EEFSEC: variants seen among roughly 807,000 people sequenced by gnomAD.
The protein encoded by EEFSEC is selenocysteine-specific elongation factor.
In EEFSEC, 43 loss-of-function variants were observed where a neutral mutation model predicts 42.1. That is an observed-to-expected ratio of 1.02 (90% confidence interval 0.80 to 1.32). The LOEUF is 1.32. EEFSEC is among the 40% of genes most tolerant of loss of function. The pLI is 0.00. For synonymous variants in EEFSEC, 354 were observed against 339.1 expected (o/e 1.04, Z -0.48); for missense variants, 745 against 803.6 (o/e 0.93, Z 0.88).
chr3:128,315,362 G>A (rs2066933088), intron 4 of EEFSEC, among the ~76,000 whole-genome samples: 1 of 152,178 alleles, frequency 6.6e-6, no homozygotes, highest in Non-Finnish European at 1.5e-5. Context: ...TGTGAGCCAG[G>A]ATCTTTGAAT....
intron 4 of EEFSEC, among the ~76,000 whole-genome samples, chr3:128,305,090 A>G (rs1027792984): frequency 1.3e-5 from 2 of 152,096 alleles, no homozygotes; most frequent in Non-Finnish European, 2.9e-5. Context: ...CTTTTCTCTC[A>G]TCATAAGGAA....
intron 1 of EEFSEC, among the ~76,000 whole-genome samples, chr3:128,198,124 A>T (rs1223577042): frequency 6.6e-6 from 1 of 152,102 alleles, no homozygotes; most frequent in Non-Finnish European, 1.5e-5. Context: ...GCCCTGAGTG[A>T]TGTTGTTTCA....
At chr3:128,368,848 G>A (rs1405227213) in intron 6 of EEFSEC, among the ~76,000 whole-genome samples, 2 of 152,250 alleles carry the variant, frequency 1.3e-5, no homozygotes, top group African/African-American at 4.8e-5. Context: ...ACGTGCCGGA[G>A]TCCAGGCCTG....
At chr3:128,255,452 C>T (rs538366533) in intron 2 of EEFSEC, among the ~76,000 whole-genome samples, 5 of 152,294 alleles carry the variant, frequency 3.3e-5, no homozygotes, top group Admixed American at 6.5e-5. Context: ...TGCCATGCTT[C>T]CCCGAACCCT....
chr3:128,412,869 C>A (rs72979318), downstream of EEFSEC, among the ~76,000 whole-genome samples: 15 of 152,006 alleles, frequency 9.9e-5, no homozygotes, highest in Admixed American at 7.2e-4. Flanking sequence ...TGGTGATGCT[C>A]GGGGAGGTGA....
chr3:128,241,237 C>T (rs914286446), intron 1 of EEFSEC, among the ~76,000 whole-genome samples: 2 of 125,988 alleles, frequency 1.6e-5, no homozygotes, highest in East Asian at 2.5e-4. Context: ...GACAGGGTCT[C>T]ACTCTGTCAC....
chr3:128,217,725 G>T (rs1213290733), intron 1 of EEFSEC, among the ~76,000 whole-genome samples: 1 of 152,186 alleles, frequency 6.6e-6, no homozygotes, highest in African/African-American at 2.4e-5. Flanking sequence ...ACTTGCCTTG[G>T]CTGTGGTCTT....
intron 4 of EEFSEC, among the ~76,000 whole-genome samples, chr3:128,300,751 A>G (rs114452280): frequency 0.016 from 2,418 of 152,336 alleles, 48 homozygotes; most frequent in African/African-American, 0.054. Flanking sequence ...TCCTAATGCA[A>G]TATGAAAAAT....
the EEFSEC span, among the ~76,000 whole-genome samples, chr3:128,415,467 C>CCTGA: frequency 6.6e-6 from 1 of 151,548 alleles, no homozygotes; most frequent in Non-Finnish European, 1.5e-5. Flanking sequence ...GGCAACCCGC[C>CCTGA]TCAGATGCAG....
intron 6 of EEFSEC, among the ~76,000 whole-genome samples, chr3:128,364,442 C>T (rs1336349164): frequency 6.6e-6 from 1 of 152,186 alleles, no homozygotes; most frequent in African/African-American, 2.4e-5. Context: ...GCATAGAGAG[C>T]TAGAATCAGA....
intron 4 of EEFSEC, among the ~76,000 whole-genome samples, chr3:128,287,683 C>T (rs542294719): frequency 1.2e-4 from 19 of 152,286 alleles, no homozygotes; most frequent in Non-Finnish European, 2.2e-4. Context: ...AATAGGGTTC[C>T]CCTTGGGTTA....
At chr3:128,259,773 C>A (rs2066279352) in intron 2 of EEFSEC, among the ~76,000 whole-genome samples, 1 of 152,188 alleles carries the variant, frequency 6.6e-6, no homozygotes. Context: ...TGACTTCTTT[C>A]ACCTAGCACA....
chr3:128,407,690 GGTGGAGAA>G (rs2068134842), intron 6 of EEFSEC, among the ~76,000 whole-genome samples: 1 of 152,204 alleles, frequency 6.6e-6, no homozygotes, highest in Non-Finnish European at 1.5e-5. Context: ...CACACAAGAG[GGTGGAGAA>G]GTGGAGAATG....
intron 1 of EEFSEC, among the ~76,000 whole-genome samples, chr3:128,170,606 G>T (rs1247326306): frequency 1.3e-5 from 2 of 152,224 alleles, no homozygotes; most frequent in Admixed American, 1.3e-4. Context: ...CAGCTTGGGG[G>T]ATCTCAGAAA....
intron 1 of EEFSEC, among the ~76,000 whole-genome samples, chr3:128,233,620 C>T (rs1196208791): frequency 6.6e-6 from 1 of 152,222 alleles, no homozygotes; most frequent in Non-Finnish European, 1.5e-5. Context: ...TTTGTATTTT[C>T]ATTAGATAGG....
At chr3:128,376,647 C>A (rs1485697378) in intron 6 of EEFSEC, among the ~76,000 whole-genome samples, 2 of 152,152 alleles carry the variant, frequency 1.3e-5, no homozygotes, top group Non-Finnish European at 2.9e-5. Flanking sequence ...GTAACAGTGA[C>A]CATCCCAGTT....
intron 1 of EEFSEC, among the ~76,000 whole-genome samples, chr3:128,168,628 T>G (rs1030900828): frequency 6.6e-6 from 1 of 152,180 alleles, no homozygotes; most frequent in Non-Finnish European, 1.5e-5. Flanking sequence ...TTCTTGTGTC[T>G]TTTCACAGGA....
intron 4 of EEFSEC, among the ~76,000 whole-genome samples, chr3:128,327,431 A>G (rs1182027380): frequency 1.3e-5 from 2 of 152,064 alleles, no homozygotes; most frequent in Non-Finnish European, 2.9e-5. Context: ...AATACACATC[A>G]TATTCTAAAT....
At position 128,251,527 on chromosome 3, in the gene EEFSEC, G is replaced by A. The variant is rs139678885; in HGVS notation, c.524+4484G>A. ...TAGAAATGGTAACTTAGTAGAAATGGTATTTTGTTCTTGTTTTAATTTGTG... is the reference window on the plus strand; with the variant it reads ...TAGAAATGGTAACTTAGTAGAAATGATATTTTGTTCTTGTTTTAATTTGTG... On this transcript the variant is annotated intron_variant, in intron 2 of 6. Coordinates refer to ENST00000254730, the MANE Select transcript of EEFSEC (RefSeq NM_021937.5). 3.2e-4 allele frequency among the ~76,000 whole-genome samples: 48 copies of A among 152,306 alleles called. 1 individual carries two copies. In the East Asian group the frequency reaches 9.3e-3, roughly 29 times the overall value.
Sources: allele counts gnomAD v4.1 joint callset (sites outside exome capture counted in the v4.1 genomes callset), GRCh38; gene constraint gnomAD v4.1.1; transcripts MANE v1.5; gene names NCBI Gene and HGNC (gene_info 2026-07-23, HGNC 2026-07-21).